CHI3L2: variants seen among roughly 807,000 people sequenced by gnomAD.
CHI3L2 encodes the protein chitinase 3 like 2.
CHI3L2 carries 47 observed loss-of-function variants against 47.3 expected under a neutral mutation model. The ratio of observed to expected loss-of-function variants is 0.99; its 90% CI spans 0.79 to 1.27. CHI3L2 has a LOEUF of 1.27. CHI3L2 is among the 50% of genes most tolerant of loss of function. The pLI, the probability that CHI3L2 is intolerant of heterozygous loss-of-function variation, is 0.00. For missense variants in CHI3L2, 497 were observed against 462.1 expected (o/e 1.08, Z -0.69); for synonymous variants, 198 against 169.9 (o/e 1.17, Z -1.28).
intron 4 of CHI3L2, among the ~76,000 whole-genome samples, chr1:111,232,937 C>G (rs570717659): frequency 7.2e-5 from 11 of 152,232 alleles, no homozygotes; most frequent in African/African-American, 2.6e-4. Context: ...TCTTCAACTT[C>G]AAAGATGAGA....
chr1:111,236,403 C>A (rs1659889637), intron 7 of CHI3L2, among the ~76,000 whole-genome samples: 1 of 152,142 alleles, frequency 6.6e-6, no homozygotes, highest in Non-Finnish European at 1.5e-5. Flanking sequence ...TCAGAGTGTC[C>A]CCCATCCCAG....
chr1:111,229,639 A>G (rs6537685), intron 1 of CHI3L2: 97,261 of 461,236 alleles, frequency 0.21, 12,323 homozygotes, highest in Admixed American at 0.22. Context: ...CCGAGATCAC[A>G]CCACTGCACT....
Position 111,236,124 on chromosome 1 carries a change from G to A in CHI3L2, c.706G>A (p.Asp236Asn). Residue 236 changes from aspartate (D) to asparagine (N), a missense_variant, in exon 7 of 11, where the codon GAC (aspartate) becomes AAC (asparagine). Physicochemically the swap from Asp to Asn is conservative, Grantham distance 23 (BLOSUM62 1). Coordinates refer to ENST00000369748, the MANE Select transcript of CHI3L2 (RefSeq NM_004000.3). Reference protein sequence around the residue: ...HNSPLSKGWQDRGPSSYYNVE... With the variant: ...HNSPLSKGWQNRGPSSYYNVE... ...CAGCCCTCTGAGCAAGGGGTGGCAGGACAGAGGGCCAAGCTCCTACTACAA... is the reference window on the plus strand; with the variant it reads ...CAGCCCTCTGAGCAAGGGGTGGCAGAACAGAGGGCCAAGCTCCTACTACAA... 6.2e-7 allele frequency: 1 copy of A among 1,614,194 alleles called. No individual in the cohort carries two copies. The highest frequency in any genetic ancestry group is 8.5e-7 in the Non-Finnish European group (1 of 1,180,030).
intron 4 of CHI3L2, 121 bp from the exon 5 acceptor site, chr1:111,234,786 T>A (rs1370581521): frequency 1.1e-6 from 1 of 907,260 alleles, no homozygotes. Context: ...AGCATTAGAA[T>A]AGACAAATTG....
rs752383236 is a variant in CHI3L2, at chr1:111,238,750, G to A, written c.736G>A (p.Glu246Lys). The A allele has an allele frequency of 8.7e-6, 14 of 1,613,356 alleles. No homozygotes were observed. The South Asian group carries it at 1.3e-4, about 15-fold the overall frequency. ...DRGPSSYYNVEYAVGYWIHKG... is the reference protein window; with the variant it reads ...DRGPSSYYNVKYAVGYWIHKG... ...GCCTCCATCTCTCTTCCCATTCTAG[G>A]AATATGCTGTGGGGTACTGGATACA... The change falls in exon 8 of 11, where the codon GAA becomes AAA. Residue 246 changes from glutamate (E) to lysine (K), a missense_variant and splice_region_variant. Physicochemically the swap from Glu to Lys is moderately conservative, Grantham distance 56. Transcript: ENST00000369748.
intron 9 of CHI3L2, among the ~76,000 whole-genome samples, chr1:111,241,701 A>C (rs1660062929): frequency 6.6e-6 from 1 of 152,160 alleles, no homozygotes; most frequent in African/African-American, 2.4e-5. Flanking sequence ...AGGAGTGGAG[A>C]GAAGAGTAAG....
Position 111,235,782 on chromosome 1 carries a change from C to G in CHI3L2, c.605+19C>G. ...TGGCAAAGTGAGTACATCAGAGCAACTTTCCATCCCTCTGCTTCCAATTTG... is the reference window on the plus strand; with the variant it reads ...TGGCAAAGTGAGTACATCAGAGCAAGTTTCCATCCCTCTGCTTCCAATTTG... On this transcript the variant is annotated intron_variant, in intron 6 of 10. Transcript: ENST00000369748. 1 of 1,609,662 alleles carries G rather than the reference C, an allele frequency of 6.2e-7. No homozygotes were observed. The highest frequency in any genetic ancestry group is 2.2e-5 in the East Asian group (1 of 44,864).
In CHI3L2 at chr1:111,230,814, C is replaced by T; in HGVS notation, c.143C>T (p.Pro48Leu). 6.2e-7 allele frequency: 1 copy of T among 1,614,134 alleles called. No homozygotes were observed. The highest frequency in any genetic ancestry group is 8.5e-7 in the Non-Finnish European group (1 of 1,180,020). The change falls in exon 3 of 11, where the codon CCT (proline) becomes CTT (leucine). Residue 48 changes from proline to leucine, a missense_variant. Physicochemically the swap from Pro to Leu is moderately conservative, Grantham distance 98 (BLOSUM62 -3). Transcript: ENST00000369748. Reference sequence around the variant, plus strand: ...CGGCAGGAACCAGGAAAATTCACCCCTGAGAATATTGACCCCTTCCTATGC... The same window carrying T: ...CGGCAGGAACCAGGAAAATTCACCCTTGAGAATATTGACCCCTTCCTATGC... ...QDRQEPGKFT[P>L]ENIDPFLCSH... is the part of the protein sequence containing the mutation.
intron 3 of CHI3L2, 101 bp from the exon 4 acceptor site, chr1:111,231,137 C>T (rs990509592): frequency 9.1e-7 from 1 of 1,093,762 alleles, no homozygotes; most frequent in African/African-American, 1.6e-5. Flanking sequence ...AACAGCCAGG[C>T]CCTAATTGTC....
chr1:111,239,092 G>A (rs185142579), intron 8 of CHI3L2, among the ~76,000 whole-genome samples, 160 bp downstream of exon 8: 10 of 152,316 alleles, frequency 6.6e-5, no homozygotes, highest in Non-Finnish European at 8.8e-5. Flanking sequence ...GGTTGGGAGA[G>A]GGTCAGGGAA....
intron 5 of CHI3L2, 96 bp from the exon 6 acceptor site, chr1:111,235,543 A>T: frequency 2.2e-6 from 3 of 1,361,706 alleles, no homozygotes; most frequent in Non-Finnish European, 2.0e-6. Context: ...CTTTCCATCT[A>T]ATGTGGTTCT....
chr1:111,229,884 A>G lies in CHI3L2; in HGVS notation c.70+3A>G, dbSNP rs762786574. ...GGTCTTGCTGCTTCTCCAGGGAGGT[A>G]AGTAGTCAATAAGTCACTACCGCCT... On this transcript the variant is annotated splice_donor_region_variant and intron_variant, in intron 2 of 10. Coordinates refer to ENST00000369748, the MANE Select transcript of CHI3L2 (RefSeq NM_004000.3). 2 of 1,613,738 alleles carry G rather than the reference A, an allele frequency of 1.2e-6. No individual in the cohort carries two copies. The highest frequency in any genetic ancestry group is 1.1e-5 in the South Asian group (1 of 91,064).
chr1:111,231,727 A>G (rs1056055184), intron 4 of CHI3L2, among the ~76,000 whole-genome samples: 19 of 152,336 alleles, frequency 1.2e-4, no homozygotes, highest in African/African-American at 4.1e-4. Flanking sequence ...CAGTCAGTGG[A>G]GTACAATGTC....
chr1:111,236,178 G>C, intron 7 of CHI3L2, 25 bp downstream of exon 7: 1 of 1,612,894 alleles, frequency 6.2e-7, no homozygotes, highest in Non-Finnish European at 8.5e-7. Context: ...GGAACCGCAG[G>C]GGTACTGGCT....
chr1:111,241,123 C>CTTTA (rs1660041279), intron 8 of CHI3L2, among the ~76,000 whole-genome samples: 1 of 152,182 alleles, frequency 6.6e-6, no homozygotes, highest in South Asian at 2.1e-4. Flanking sequence ...CCTGATGAGA[C>CTTTA]TTTAGCACAG....
chr1:111,240,245 G>T (rs375957847), intron 8 of CHI3L2, among the ~76,000 whole-genome samples: 6 of 152,164 alleles, frequency 3.9e-5, no homozygotes, highest in Non-Finnish European at 7.4e-5. Flanking sequence ...ACCCACCAAG[G>T]TACCCATTCA....
chr1:111,230,922 C>T lies in CHI3L2; in HGVS notation c.251C>T (p.Thr84Ile). 1.2e-6 allele frequency: 2 copies of T among 1,613,910 alleles called. No homozygotes were observed. Among genetic ancestry groups the T allele is most frequent in the Non-Finnish European group, 1.7e-6 (2 of 1,179,834 alleles). Residue 84 changes from threonine (T) to isoleucine (I), a missense_variant, in exon 3 of 11, where the codon ACC becomes ATC. Thr to Ile is a moderately conservative substitution (Grantham distance 89). Coordinates refer to ENST00000369748, the MANE Select transcript of CHI3L2 (RefSeq NM_004000.3). ...KDKSEVMLYQ[T>I]INSLKTKNPK... is the part of the protein sequence containing the mutation. ...AAGAGTGAAGTGATGCTCTACCAGACCATCAACAGTCTCAAAACCAAGTGA... is the reference window on the plus strand; with the variant it reads ...AAGAGTGAAGTGATGCTCTACCAGATCATCAACAGTCTCAAAACCAAGTGA...
chr1:111,239,836 C>G (rs1412090647), intron 8 of CHI3L2, among the ~76,000 whole-genome samples: 1 of 152,190 alleles, frequency 6.6e-6, no homozygotes, highest in African/African-American at 2.4e-5. Context: ...ATCCCAAACA[C>G]TGGGTACTGT....
chr1:111,235,330 A>T (rs1475661305), intron 5 of CHI3L2, among the ~76,000 whole-genome samples: 1 of 152,204 alleles, frequency 6.6e-6, no homozygotes, highest in African/African-American at 2.4e-5. Flanking sequence ...CATATGAAAG[A>T]GGGTGTAGCC....
Sources: allele counts gnomAD v4.1 joint callset (sites outside exome capture counted in the v4.1 genomes callset), GRCh38; gene constraint gnomAD v4.1.1; transcripts MANE v1.5; gene names NCBI Gene and HGNC (gene_info 2026-07-23, HGNC 2026-07-21).